Variants in NDUFAF2 observed in about 807,000 individuals in gnomAD.
The protein encoded by NDUFAF2 is NADH:ubiquinone oxidoreductase complex assembly factor 2.
A neutral mutation model predicts 22.8 loss-of-function variants in NDUFAF2; 13 were observed. The observed-to-expected ratio is 0.57, with a 90% CI of 0.37 to 0.91. NDUFAF2 has a LOEUF of 0.91. Among genes scored for constraint, NDUFAF2 ranks in the 40% least tolerant of loss-of-function variants. The pLI is 0.01. For synonymous variants in NDUFAF2, 53 were observed against 64.2 expected, an observed-to-expected ratio of 0.83 and a Z score of 0.84; for missense variants, 162 against 195.2, an observed-to-expected ratio of 0.83 and a Z score of 1.01.
At chr5:61,089,358 C>T (rs1472828145) in intron 2 of NDUFAF2, among the ~76,000 whole-genome samples, 1 of 151,974 alleles carries the variant, frequency 6.6e-6, no homozygotes, top group Non-Finnish European at 1.5e-5. Context: ...CTAGCAGTGG[C>T]AAAATTATAT....
chr5:61,006,901 T>A (rs1377557492), intron 1 of NDUFAF2, among the ~76,000 whole-genome samples: 1 of 152,044 alleles, frequency 6.6e-6, no homozygotes, highest in Admixed American at 6.6e-5. Context: ...CTAGTGGCAC[T>A]AAGTCTCTGG....
At chr5:61,042,934 G>A (rs1751901447) in intron 1 of NDUFAF2, among the ~76,000 whole-genome samples, 1 of 152,248 alleles carries the variant, frequency 6.6e-6, no homozygotes, top group African/African-American at 2.4e-5. Context: ...AAAGATCAGT[G>A]GTTGGCTGGG....
chr5:61,056,926 ATAT>A (rs1752106739), intron 1 of NDUFAF2, among the ~76,000 whole-genome samples: 1 of 30,676 alleles, frequency 3.3e-5, no homozygotes, highest in Non-Finnish European at 5.8e-5. Context: ...AAAAATATAT[ATAT>A]ATATATATAT....
chr5:61,048,912 T>TGG (rs760574362), intron 1 of NDUFAF2, among the ~76,000 whole-genome samples: 1 of 152,042 alleles, frequency 6.6e-6, no homozygotes, highest in African/African-American at 2.4e-5. Flanking sequence ...ACATTCACAA[T>TGG]GGGGCGCACT....
chr5:60,985,308 G>A (rs1348404301), intron 1 of NDUFAF2, among the ~76,000 whole-genome samples: 1 of 148,234 alleles, frequency 6.7e-6, no homozygotes, highest in Non-Finnish European at 1.5e-5. Context: ...AGTCTTGCTA[G>A]TGGTCTATCA....
chr5:60,978,185 G>A (rs1314100915), intron 1 of NDUFAF2, among the ~76,000 whole-genome samples: 1 of 152,162 alleles, frequency 6.6e-6, no homozygotes, highest in Non-Finnish European at 1.5e-5. Context: ...CATTGAGGGA[G>A]CATTAAGACC....
chr5:61,045,390 G>C (rs1050889460), intron 1 of NDUFAF2, among the ~76,000 whole-genome samples: 2 of 149,926 alleles, frequency 1.3e-5, no homozygotes, highest in Non-Finnish European at 3.0e-5. Context: ...ATAGTCTTCA[G>C]TGTGCAGGTT....
At chr5:61,064,904 C>CA (rs1195877175) in intron 1 of NDUFAF2, among the ~76,000 whole-genome samples, 5 of 149,214 alleles carry the variant, frequency 3.4e-5, no homozygotes, top group African/African-American at 9.9e-5. Flanking sequence ...AAATAAGGAA[C>CA]AAAAAAAACA....
At chr5:61,055,821 T>G (rs1267229142) in intron 1 of NDUFAF2, among the ~76,000 whole-genome samples, 1 of 152,174 alleles carries the variant, frequency 6.6e-6, no homozygotes, top group Admixed American at 6.5e-5. Context: ...CATGTAAAAA[T>G]TAAACATAAT....
At chr5:61,057,216 C>T (rs908675967) in intron 1 of NDUFAF2, among the ~76,000 whole-genome samples, 19 of 151,948 alleles carry the variant, frequency 1.3e-4, no homozygotes, top group Non-Finnish European at 2.9e-5. Flanking sequence ...AAAATGACTT[C>T]TCACTGAACT....
chr5:61,025,351 A>T (rs1290716602), intron 1 of NDUFAF2, among the ~76,000 whole-genome samples: 1 of 152,126 alleles, frequency 6.6e-6, no homozygotes, highest in Non-Finnish European at 1.5e-5. Flanking sequence ...GAATTTTTAA[A>T]TAGGACTATG....
intron 3 of NDUFAF2, among the ~76,000 whole-genome samples, chr5:61,105,802 A>ATT (rs1201918455): frequency 6.6e-6 from 1 of 151,462 alleles, no homozygotes; most frequent in Non-Finnish European, 1.5e-5. Flanking sequence ...AAAAGACATA[A>ATT]ACCCACAAGG....
At chr5:60,966,574 G>T (rs1750760766) in intron 1 of NDUFAF2, among the ~76,000 whole-genome samples, 1 of 152,104 alleles carries the variant, frequency 6.6e-6, no homozygotes, top group African/African-American at 2.4e-5. Context: ...TCTTTTGCAT[G>T]TGGATATCCA....
intron 1 of NDUFAF2, among the ~76,000 whole-genome samples, chr5:60,961,223 G>A (rs1251393196): frequency 2.6e-5 from 4 of 152,138 alleles, no homozygotes; most frequent in African/African-American, 9.7e-5. Context: ...ACTTTGGGAG[G>A]CCAAGGCGGG....
intron 1 of NDUFAF2, among the ~76,000 whole-genome samples, chr5:60,975,625 CA>C (rs1186865345): frequency 6.6e-6 from 1 of 152,120 alleles, no homozygotes; most frequent in African/African-American, 2.4e-5. Context: ...AGACCAAACA[CA>C]GAACACTGGT....
At chr5:60,976,870 A>G (rs1179331180) in intron 1 of NDUFAF2, among the ~76,000 whole-genome samples, 1 of 152,168 alleles carries the variant, frequency 6.6e-6, no homozygotes, top group Non-Finnish European at 1.5e-5. Flanking sequence ...AGGAGAAATG[A>G]GCAGTACATC....
At chr5:61,026,661 G>GT (rs1561545109) in intron 1 of NDUFAF2, among the ~76,000 whole-genome samples, 1 of 151,978 alleles carries the variant, frequency 6.6e-6, no homozygotes, top group Non-Finnish European at 1.5e-5. Context: ...TACAGTTGAT[G>GT]TTTTTGAGAA....
intron 1 of NDUFAF2, among the ~76,000 whole-genome samples, chr5:61,039,557 G>A (rs1751845568): frequency 6.6e-6 from 1 of 152,146 alleles, no homozygotes; most frequent in Non-Finnish European, 1.5e-5. Context: ...TCAGTAAATG[G>A]TATAAGTGAT....
At chr5:61,032,791 A>G (rs1751745198) in intron 1 of NDUFAF2, among the ~76,000 whole-genome samples, 1 of 152,178 alleles carries the variant, frequency 6.6e-6, no homozygotes, top group Admixed American at 6.6e-5. Context: ...TGGGGATAGC[A>G]TTGAATCTGT....
Sources: allele counts gnomAD v4.1 joint callset (sites outside exome capture counted in the v4.1 genomes callset), GRCh38; gene constraint gnomAD v4.1.1; transcripts MANE v1.5; gene names NCBI Gene and HGNC (gene_info 2026-07-23, HGNC 2026-07-21).